DPP10: variants seen among roughly 807,000 people sequenced by gnomAD.
The protein encoded by DPP10 is dipeptidyl peptidase like 10.
Under a neutral mutation model 120.9 loss-of-function variants are expected in DPP10, and 33 were observed. The ratio of observed to expected loss-of-function variants is 0.27; its 90% CI spans 0.21 to 0.37. The LOEUF is 0.37. Ranked by LOEUF, DPP10 falls within the 10% of genes least tolerant of loss-of-function variation. DPP10 has a pLI of 1.00. For missense variants in DPP10, 816 were observed against 942.8 expected (o/e 0.87, Z 1.76); for synonymous variants, 337 against 326.1 (o/e 1.03, Z -0.36).
intron 5 of DPP10, among the ~76,000 whole-genome samples, chr2:115,532,504 A>T (rs2078532119): frequency 6.6e-6 from 1 of 152,104 alleles, no homozygotes; most frequent in East Asian, 1.9e-4. Flanking sequence ...AACATACTAC[A>T]ATATGTATTT....
intron 2 of DPP10, chr2:115,342,189 A>ATG (rs145626499): frequency 1.4e-4 from 61 of 450,828 alleles, no homozygotes; most frequent in East Asian, 4.3e-4. Flanking sequence ...TTATGTATGT[A>ATG]TGTGTGTGTG....
intron 3 of DPP10, among the ~76,000 whole-genome samples, chr2:115,427,906 G>A (rs2070628879): frequency 6.6e-6 from 1 of 152,108 alleles, no homozygotes; most frequent in South Asian, 2.1e-4. Flanking sequence ...CTTTGTTCCT[G>A]CATTTGAAGC....
At chr2:115,609,608 CA>C (rs1442199157) in intron 5 of DPP10, among the ~76,000 whole-genome samples, 1 of 151,694 alleles carries the variant, frequency 6.6e-6, no homozygotes, top group South Asian at 2.1e-4. Context: ...ACAAAAAAAA[CA>C]AAAAAACCCT....
At chr2:115,483,524 A>T (rs1392861595) in intron 3 of DPP10, among the ~76,000 whole-genome samples, 1 of 151,366 alleles carries the variant, frequency 6.6e-6, no homozygotes, top group African/African-American at 2.4e-5. Flanking sequence ...TGTAAAACTA[A>T]TATTGTTTGG....
At chr2:114,760,777 A>G (rs948554869) in intron 1 of DPP10, among the ~76,000 whole-genome samples, 3 of 152,122 alleles carry the variant, frequency 2.0e-5, no homozygotes, top group African/African-American at 7.2e-5. Context: ...AATTCCTATT[A>G]AAAAGGATAA....
At chr2:115,116,273 C>T (rs529794726) in intron 1 of DPP10, among the ~76,000 whole-genome samples, 54 of 152,170 alleles carry the variant, frequency 3.5e-4, no homozygotes, top group Non-Finnish European at 6.9e-4. Flanking sequence ...TTTTTCAGTG[C>T]CTTCTACATA....
At chr2:114,986,363 AAAACTT>A (rs1393011948) in intron 1 of DPP10, among the ~76,000 whole-genome samples, 1 of 152,204 alleles carries the variant, frequency 6.6e-6, no homozygotes, top group African/African-American at 2.4e-5. Flanking sequence ...AATTAACAAA[AAAACTT>A]AAAGAAAGCT....
chr2:115,308,288 G>T (rs745867711), intron 1 of DPP10, among the ~76,000 whole-genome samples: 6 of 152,064 alleles, frequency 3.9e-5, no homozygotes, highest in Non-Finnish European at 5.9e-5. Context: ...TAGTGAGCTG[G>T]ATATCTTCAT....
At chr2:115,398,832 TAA>T (rs1274437448) in intron 3 of DPP10, among the ~76,000 whole-genome samples, 1 of 152,174 alleles carries the variant, frequency 6.6e-6, no homozygotes, top group African/African-American at 2.4e-5. Context: ...AAGTGCTATT[TAA>T]AAAGAGGTCT....
chr2:115,809,385 G>A (rs1205774911), intron 19 of DPP10, among the ~76,000 whole-genome samples: 1 of 152,086 alleles, frequency 6.6e-6, no homozygotes, highest in Non-Finnish European at 1.5e-5. Context: ...GGCAAATATT[G>A]TTTAAAGCTG....
chr2:115,342,223 AG>A, intron 2 of DPP10: 1 of 443,860 alleles, frequency 2.3e-6, no homozygotes, highest in South Asian at 1.6e-5. Flanking sequence ...TTTTGAGACA[AG>A]GTCTCACCCT....
At chr2:115,373,714 T>C (rs1328646502) in intron 3 of DPP10, among the ~76,000 whole-genome samples, 2 of 152,034 alleles carry the variant, frequency 1.3e-5, no homozygotes, top group Non-Finnish European at 2.9e-5. Context: ...TCATCCATTC[T>C]CATGTTGCTA....
chr2:114,901,222 G>C (rs1448735182), intron 1 of DPP10, among the ~76,000 whole-genome samples: 2 of 151,972 alleles, frequency 1.3e-5, no homozygotes, highest in Admixed American at 6.6e-5. Flanking sequence ...TTTTGATACG[G>C]AGCCTGGCTC....
chr2:115,108,665 G>T (rs1005251582), intron 1 of DPP10, among the ~76,000 whole-genome samples: 1 of 152,018 alleles, frequency 6.6e-6, no homozygotes, highest in African/African-American at 2.4e-5. Flanking sequence ...AATTTAAATT[G>T]AATTTTAGCT....
intron 1 of DPP10, among the ~76,000 whole-genome samples, chr2:115,176,006 T>C (rs1233383384): frequency 2.6e-5 from 4 of 152,164 alleles, no homozygotes; most frequent in South Asian, 2.1e-4. Context: ...AGATGATGCC[T>C]AGTCTGTGGA....
At chr2:114,448,627 G>T (rs1184630296) in intron 1 of DPP10, among the ~76,000 whole-genome samples, 1 of 152,146 alleles carries the variant, frequency 6.6e-6, no homozygotes, top group Non-Finnish European at 1.5e-5. Context: ...GATCCATATT[G>T]ATGTTTTGGA....
At chr2:115,258,502 A>G (rs1304546501) in intron 1 of DPP10, among the ~76,000 whole-genome samples, 1 of 152,196 alleles carries the variant, frequency 6.6e-6, no homozygotes, top group African/African-American at 2.4e-5. Flanking sequence ...AAATCTTTAA[A>G]ATGTTGTTAA....
At chr2:114,855,338 A>G (rs1689288272) in intron 1 of DPP10, among the ~76,000 whole-genome samples, 2 of 152,156 alleles carry the variant, frequency 1.3e-5, no homozygotes, top group Non-Finnish European at 2.9e-5. Flanking sequence ...CATGGACTTT[A>G]TTCTTAAGAC....
At chr2:115,492,361 G>A (rs953821449) in intron 3 of DPP10, among the ~76,000 whole-genome samples, 11 of 152,256 alleles carry the variant, frequency 7.2e-5, no homozygotes, top group African/African-American at 2.6e-4. Flanking sequence ...AGTTTTGGGG[G>A]TATGTAGTTT....
Sources: allele counts gnomAD v4.1 joint callset (sites outside exome capture counted in the v4.1 genomes callset), GRCh38; gene constraint gnomAD v4.1.1; transcripts MANE v1.5; gene names NCBI Gene and HGNC (gene_info 2026-07-23, HGNC 2026-07-21).